The following ANKH variants were observed in gnomAD, a reference collection of about 807,000 sequenced individuals.
ANKH encodes ANKH inorganic pyrophosphate transport regulator.
In ANKH, 15 loss-of-function variants were observed where a neutral mutation model predicts 49.0. The observed-to-expected ratio is 0.31, with a 90% confidence interval of 0.20 to 0.47. The LOEUF is 0.47. Ranked by LOEUF, ANKH falls within the 20% of genes least tolerant of loss-of-function variation. The pLI is 1.00. For synonymous variants in ANKH, 273 were observed against 260.0 expected (o/e 1.05, Z -0.48); for missense variants, 429 against 652.0 (o/e 0.66, Z 3.72).
intron 1 of ANKH, among the ~76,000 whole-genome samples, chr5:14,784,918 A>G (rs1037501336): frequency 2.0e-5 from 3 of 152,054 alleles, no homozygotes; most frequent in Non-Finnish European, 4.4e-5. Context: ...GGACAGAGGA[A>G]TATTTGAGAT....
chr5:14,840,694 C>A (rs1212057106), intron 1 of ANKH, among the ~76,000 whole-genome samples: 2 of 152,322 alleles, frequency 1.3e-5, no homozygotes, highest in African/African-American at 4.8e-5. Flanking sequence ...TACACATTTT[C>A]AAATTATCTG....
intron 1 of ANKH, among the ~76,000 whole-genome samples, chr5:14,805,161 T>C (rs1043854565): frequency 6.6e-6 from 1 of 151,928 alleles, no homozygotes; most frequent in Non-Finnish European, 1.5e-5. Context: ...CCAGCGAATA[T>C]AAAGCAGGCA....
intron 1 of ANKH, among the ~76,000 whole-genome samples, chr5:14,843,795 A>G (rs1227286535): frequency 4.6e-5 from 7 of 152,196 alleles, no homozygotes; most frequent in Non-Finnish European, 1.0e-4. Context: ...AAGAAGCAGT[A>G]AGGATAACTT....
At chr5:14,815,313 T>C (rs948512560) in intron 1 of ANKH, among the ~76,000 whole-genome samples, 2 of 152,018 alleles carry the variant, frequency 1.3e-5, no homozygotes, top group African/African-American at 4.8e-5. Context: ...GAGAGAGATT[T>C]CCCCCCAAAA....
intron 1 of ANKH, among the ~76,000 whole-genome samples, chr5:14,800,725 TTC>T (rs1740542774): frequency 6.6e-6 from 1 of 151,424 alleles, no homozygotes; most frequent in Non-Finnish European, 1.5e-5. Flanking sequence ...AACATTTTTT[TTC>T]TTTTTTTTTT....
In ANKH at chr5:14,711,303, T is replaced by A. The variant is rs1737192100; in HGVS notation, c.1373A>T (p.Lys458Met). ...CTCCGTGGCCGACTCATTCTCCATC[T>A]TCTTTTTCTAGACCAAAGAAGACTC... Reference protein sequence around the residue: ...ACYVYRKQKKKMENESATEGE... With the variant: ...ACYVYRKQKKMMENESATEGE... The change falls in exon 12 of 12, where the codon AAG (lysine) becomes ATG (methionine). Residue 458 changes from lysine (K) to methionine (M), a missense_variant. Lys to Met is a moderately conservative substitution (Grantham distance 95). Transcript: ENST00000284268. 1.2e-6 allele frequency: 2 copies of A among 1,614,040 alleles called. No homozygotes were observed. Among genetic ancestry groups the A allele is most frequent in the South Asian group, 1.1e-5 (1 of 91,078 alleles).
At chr5:14,812,247 T>G (rs1482018509) in intron 1 of ANKH, among the ~76,000 whole-genome samples, 1 of 152,172 alleles carries the variant, frequency 6.6e-6, no homozygotes, top group African/African-American at 2.4e-5. Context: ...CTTATTATTT[T>G]TTTTTTTACC....
At chr5:14,831,884 T>G (rs891580383) in intron 1 of ANKH, among the ~76,000 whole-genome samples, 7 of 152,140 alleles carry the variant, frequency 4.6e-5, no homozygotes, top group African/African-American at 1.7e-4. Flanking sequence ...CCAAATTAAA[T>G]TATTAAGAAA....
chr5:14,713,434 C>G lies in ANKH; in HGVS notation c.1265+110G>C. ...CACACAAAACATCATTCTGAATTTC[C>G]GATTCTAGACGTGCCTGGGGATTTC... is the stretch of plus-strand genomic sequence containing the variant. On this transcript the variant is annotated intron_variant, in intron 10 of 11. Transcript: ENST00000284268. The surrounding 1 kb of genome is among the most constrained non-coding windows in gnomAD (Gnocchi z 4.4). 1 of 1,460,520 alleles carries G rather than the reference C, an allele frequency of 6.8e-7. No individual in the cohort carries two copies. The highest frequency in any genetic ancestry group is 9.4e-7 in the Non-Finnish European group (1 of 1,063,300). 90.5% of individuals were successfully genotyped at this position (1,460,520 alleles called of 1,614,324 possible). A position where few individuals can be genotyped will look rare whatever the true frequency, so the allele number is the denominator to read the frequency against.
intron 1 of ANKH, among the ~76,000 whole-genome samples, chr5:14,807,510 C>A (rs7711266): frequency 0.011 from 1,731 of 152,222 alleles, 37 homozygotes; most frequent in African/African-American, 0.04. Context: ...TCCTAGGTAC[C>A]GATCCTTAAC....
chr5:14,774,838 A>G (rs1428921071), intron 1 of ANKH, among the ~76,000 whole-genome samples: 1 of 152,160 alleles, frequency 6.6e-6, no homozygotes, highest in Non-Finnish European at 1.5e-5. Context: ...GGGCATCTCA[A>G]GATAGATGAT....
chr5:14,730,032 G>A (rs1208231355), intron 8 of ANKH, among the ~76,000 whole-genome samples: 6 of 152,218 alleles, frequency 3.9e-5, no homozygotes, highest in Non-Finnish European at 8.8e-5. Flanking sequence ...GGCAGGCAGT[G>A]AAGCCCAACA....
At chr5:14,769,220 AT>A in intron 1 of ANKH, 29 bp from the exon 2 acceptor site, 1 of 1,564,730 alleles carries the variant, frequency 6.4e-7, no homozygotes, top group Non-Finnish European at 8.7e-7. Context: ...ACCCACAAGC[AT>A]TAGAAATGTC....
chr5:14,866,758 A>C (rs540667180), intron 1 of ANKH, among the ~76,000 whole-genome samples: 13 of 152,274 alleles, frequency 8.5e-5, no homozygotes, highest in Admixed American at 3.3e-4. Context: ...TTAAAATAAG[A>C]TACAGTGTTG....
rs1737044975 is a variant in ANKH at position 14,708,761 on chromosome 5, C to T, written c.*2436G>A. 6.6e-6 allele frequency: 1 copy of T among 152,184 alleles called. No individual in the cohort carries two copies. The highest frequency in any genetic ancestry group is 1.5e-5 in the Non-Finnish European group (1 of 68,030). The allele number at this position is 152,184 out of a possible 1,614,324, so 9.4% of individuals were successfully genotyped here. On this transcript the variant is annotated 3_prime_UTR_variant, in exon 12 of 12. Coordinates refer to ENST00000284268, the MANE Select transcript of ANKH (RefSeq NM_054027.6). ...TGGTGGCCTGAGTGTGGCATTGCTT[C>T]CTGTGTTCTCAGAAACTCTAACCAA...
intron 1 of ANKH, among the ~76,000 whole-genome samples, chr5:14,844,650 T>C (rs910840873): frequency 4.6e-5 from 7 of 152,196 alleles, no homozygotes; most frequent in African/African-American, 1.7e-4. Context: ...TGGTCACAGG[T>C]GGCTATTTAA....
At chr5:14,751,004 A>G in intron 5 of ANKH, 65 bp downstream of exon 5, 1 of 1,582,126 alleles carries the variant, frequency 6.3e-7, no homozygotes, top group Non-Finnish European at 8.7e-7. Flanking sequence ...TTTTACATAG[A>G]GGTGGAATAC....
chr5:14,791,209 C>T (rs79927486), intron 1 of ANKH, among the ~76,000 whole-genome samples: 4,086 of 152,176 alleles, frequency 0.027, 82 homozygotes, highest in South Asian at 0.061. Context: ...TATCTTAGGC[C>T]CCTTCGGGTG....
intron 2 of ANKH, among the ~76,000 whole-genome samples, chr5:14,764,163 T>G (rs1434490195): frequency 6.6e-6 from 1 of 152,154 alleles, no homozygotes; most frequent in African/African-American, 2.4e-5. Flanking sequence ...CCTACTTATA[T>G]CCCCACTCTT....
Sources: gnomAD v4.1 joint callset for allele counts (sites outside exome capture counted in the v4.1 genomes callset) on GRCh38, gnomAD v4.1.1 for gene constraint, Gnocchi (gnomAD v3.1) non-coding constraint, MANE v1.5 for transcripts, NCBI Gene and HGNC (gene_info 2026-07-23, HGNC 2026-07-21) for gene names.